Variants in LIMS1 observed in about 807,000 individuals in gnomAD.
LIMS1 encodes LIM and senescent cell antigen-like-containing domain protein 1.
In LIMS1, 18 loss-of-function variants were observed where a neutral mutation model predicts 44.1. The ratio of observed to expected loss-of-function variants is 0.41; its 90% CI spans 0.28 to 0.61. LIMS1 has a LOEUF of 0.61. Ranked by LOEUF, LIMS1 falls within the 20% of genes least tolerant of loss-of-function variation. LIMS1 has a pLI of 0.32. For synonymous variants in LIMS1, 93 were observed against 149.1 expected (o/e 0.62, Z 2.74); for missense variants, 201 against 422.0 (o/e 0.48, Z 4.59).
chr2:108,593,341 A>G (rs1019636644), intron 1 of LIMS1, among the ~76,000 whole-genome samples: 1 of 152,086 alleles, frequency 6.6e-6, no homozygotes, highest in African/African-American at 2.4e-5. Flanking sequence ...TCTTTCTTAA[A>G]TCTTCTCCCC....
At chr2:108,595,418 A>T (rs376568830) in intron 1 of LIMS1, among the ~76,000 whole-genome samples, 1 of 152,196 alleles carries the variant, frequency 6.6e-6, no homozygotes, top group East Asian at 1.9e-4. Context: ...ACCAAGATAA[A>T]TGATGGTTTC....
rs554007665 is a variant in LIMS1 at position 108,637,780 on chromosome 2, G to A, written c.33-21825G>A. On this transcript the variant is annotated intron_variant, in intron 1 of 9. Coordinates refer to ENST00000544547, the Ensembl canonical transcript of LIMS1. ...AAAGATAAGTGATTTGAAATATAAAGGAACTAGTACAGAGACATTTTCTAG... is the reference window on the plus strand; with the variant it reads ...AAAGATAAGTGATTTGAAATATAAAAGAACTAGTACAGAGACATTTTCTAG... Among the ~76,000 whole-genome samples, 18 of 143,856 alleles carry A rather than the reference G, an allele frequency of 1.3e-4. No individual in the cohort carries two copies. In the South Asian group the frequency reaches 4.0e-3, roughly 32 times the overall value. The allele number at this position is 143,856 out of a possible 152,430, so 94.4% of individuals were successfully genotyped here.
At chr2:108,603,495 C>CTTTTTTTTTTTTTTTT (rs55909729) in intron 1 of LIMS1, among the ~76,000 whole-genome samples, 1 of 88,216 alleles carries the variant, frequency 1.1e-5, no homozygotes, top group Non-Finnish European at 2.1e-5. Flanking sequence ...TTTTCATCGC[C>CTTTTTTTTTTTTTTTT]TTTTTTTTTT....
chr2:108,568,362 A>G (rs1196611234), intron 1 of LIMS1, among the ~76,000 whole-genome samples: 1 of 152,218 alleles, frequency 6.6e-6, no homozygotes, highest in East Asian at 1.9e-4. Flanking sequence ...GTAGCTTATA[A>G]CAAGATTTCC....
At chr2:108,572,679 C>T (rs550933833) in intron 1 of LIMS1, among the ~76,000 whole-genome samples, 41 of 152,232 alleles carry the variant, frequency 2.7e-4, no homozygotes, top group South Asian at 4.2e-4. Flanking sequence ...CCACTACGCC[C>T]GGCCTGACTC....
At chr2:108,593,836 G>A (rs1368810448) in intron 1 of LIMS1, among the ~76,000 whole-genome samples, 1 of 152,124 alleles carries the variant, frequency 6.6e-6, no homozygotes, top group Non-Finnish European at 1.5e-5. Context: ...ATCCTGATTG[G>A]CCTGGTCAGT....
chr2:108,654,965 G>A (rs1305372147), intron 1 of LIMS1: 1 of 1,505,502 alleles, frequency 6.6e-7, no homozygotes, highest in East Asian at 2.4e-5. Context: ...ACGTGCGTGG[G>A]AACAGTGGGA....
intron 1 of LIMS1, among the ~76,000 whole-genome samples, chr2:108,632,327 A>C (rs992920314): frequency 2.6e-5 from 4 of 152,138 alleles, no homozygotes; most frequent in Non-Finnish European, 4.4e-5. Flanking sequence ...GCAGAAAGTT[A>C]ATTGCTTTTT....
chr2:108,611,864 T>C (rs1687630071), intron 1 of LIMS1, among the ~76,000 whole-genome samples: 2 of 141,618 alleles, frequency 1.4e-5, no homozygotes, highest in African/African-American at 2.6e-5. Flanking sequence ...TACACACATA[T>C]ATATACACAT....
exon 10 of LIMS1, chr2:108,685,096 T>C (rs1693232328): frequency 6.6e-6 from 1 of 152,166 alleles, no homozygotes; most frequent in African/African-American, 2.4e-5. Context: ...GGGAAATCCA[T>C]TGAAGTTAAT....
intron 1 of LIMS1, among the ~76,000 whole-genome samples, chr2:108,584,105 C>T (rs897901859): frequency 6.6e-6 from 1 of 152,104 alleles, no homozygotes; most frequent in Non-Finnish European, 1.5e-5. Context: ...TGGAGATAAC[C>T]CAGGGTTGTA....
chr2:108,591,088 A>G lies in LIMS1; in HGVS notation c.32+56494A>G, dbSNP rs899066765. Among the ~76,000 whole-genome samples the G allele has an allele frequency of 5.9e-5, 9 of 152,176 alleles. 1 individual carries two copies. Among genetic ancestry groups the G allele is most frequent in the African/African-American group, 1.4e-4 (6 of 41,448 alleles). ...TGGGGACATTAGGGAAGCATCTGTG[A>G]TGTTGCAGTGAAGTGTTTGCTAATA... On this transcript the variant is annotated intron_variant, in intron 1 of 9. Transcript: ENST00000544547.
At chr2:108,660,917 A>G (rs1412457807) in intron 2 of LIMS1, among the ~76,000 whole-genome samples, 1 of 146,450 alleles carries the variant, frequency 6.8e-6, no homozygotes, top group Non-Finnish European at 1.5e-5. Flanking sequence ...ATGTATATAG[A>G]ATTATTTTAT....
chr2:108,631,564 T>C (rs1005103048), intron 1 of LIMS1, among the ~76,000 whole-genome samples: 3 of 145,602 alleles, frequency 2.1e-5, no homozygotes, highest in African/African-American at 4.9e-5. Context: ...TTTTTTTTTT[T>C]CTAAGACATC....
Position 108,540,184 on chromosome 2 carries a change from TAC to T in LIMS1, c.32+5592_32+5593del, listed in dbSNP as rs567598133. On this transcript the variant is annotated intron_variant, in intron 1 of 9. Coordinates refer to ENST00000544547, the Ensembl canonical transcript of LIMS1. ...AATTTTCATTTAACAGGTGATAAAG[TAC>T]AGATTCCTTTTTTTTTTTTTTTTTT... Among the ~76,000 whole-genome samples, 20 of 148,134 alleles carry T rather than the reference TAC, an allele frequency of 1.4e-4. No homozygotes were observed. In the South Asian group the frequency reaches 4.0e-3, roughly 30 times the overall value.
intron 5 of LIMS1, among the ~76,000 whole-genome samples, chr2:108,675,292 T>A (rs12617542): frequency 0.36 from 54,314 of 150,070 alleles, 11,650 homozygotes; most frequent in East Asian, 0.89. Flanking sequence ...TCTGCATCAT[T>A]ACATAGCAGA....
chr2:108,568,166 C>CT (rs1269759986), intron 1 of LIMS1, among the ~76,000 whole-genome samples: 4 of 152,176 alleles, frequency 2.6e-5, no homozygotes, highest in African/African-American at 9.7e-5. Flanking sequence ...ATCAATTAGC[C>CT]TGCAGAAAAA....
chr2:108,656,311 ATC>A, intron 1 of LIMS1, among the ~76,000 whole-genome samples: 8 of 72,056 alleles, frequency 1.1e-4, no homozygotes, highest in African/African-American at 1.9e-4. Flanking sequence ...ATATCTATCT[ATC>A]TATCTATAGA....
chr2:108,581,971 A>G (rs1273032281), intron 1 of LIMS1, among the ~76,000 whole-genome samples: 1 of 152,020 alleles, frequency 6.6e-6, no homozygotes, highest in Non-Finnish European at 1.5e-5. Flanking sequence ...AATACTTGCT[A>G]TATGATGACA....
Sources: allele counts gnomAD v4.1 joint callset (sites outside exome capture counted in the v4.1 genomes callset), GRCh38; gene constraint gnomAD v4.1.1; transcripts MANE v1.5; gene names NCBI Gene and HGNC (gene_info 2026-07-23, HGNC 2026-07-21).